Variants in ERH observed in about 807,000 individuals in gnomAD.
ERH encodes ERH mRNA splicing and mitosis factor.
Under a neutral mutation model 16.8 loss-of-function variants are expected in ERH, and 1 was observed. That is an observed-to-expected ratio of 0.06 (90% CI 0.02 to 0.28). The LOEUF is 0.28. Among genes scored for constraint, ERH ranks in the 10% least tolerant of loss-of-function variants. The probability of loss-of-function intolerance (pLI) is 1.00; values close to 1 mark genes in which losing one functional copy is unlikely to be tolerated. For synonymous variants in ERH, 43 were observed against 43.6 expected (o/e 0.99, Z 0.05); for missense variants, 42 against 127.5 (o/e 0.33, Z 3.23).
intron 1 of ERH, among the ~76,000 whole-genome samples, chr14:69,396,293 T>C (rs2140235208): frequency 6.6e-6 from 1 of 152,348 alleles, no homozygotes; most frequent in East Asian, 1.9e-4. Flanking sequence ...GACAGTTTTG[T>C]TCCTGTTGCC....
intron 1 of ERH, among the ~76,000 whole-genome samples, chr14:69,395,639 A>G (rs555101776): frequency 5.3e-5 from 8 of 152,372 alleles, no homozygotes; most frequent in African/African-American, 4.8e-5. Context: ...TTTCAACTTA[A>G]GCTTTTTTTC....
At chr14:69,391,826 G>C (rs1373117520) in intron 2 of ERH, among the ~76,000 whole-genome samples, 1 of 152,074 alleles carries the variant, frequency 6.6e-6, no homozygotes, top group Non-Finnish European at 1.5e-5. Flanking sequence ...TATAGGTGGA[G>C]CAATGGGGAT....
chr14:69,396,181 T>C (rs901109789), intron 1 of ERH, among the ~76,000 whole-genome samples: 4 of 152,238 alleles, frequency 2.6e-5, no homozygotes, highest in Non-Finnish European at 4.4e-5. Flanking sequence ...ACCTTTTTCC[T>C]TCTCTTCTGC....
chr14:69,394,949 T>C (rs370291276), intron 1 of ERH, 37 bp from the exon 2 acceptor site: 20 of 1,404,304 alleles, frequency 1.4e-5, no homozygotes, highest in Admixed American at 7.5e-5. Context: ...TAAGTTTCTA[T>C]TTGAGAAATT....
intron 1 of ERH, among the ~76,000 whole-genome samples, chr14:69,395,824 T>G (rs1358020832): frequency 6.6e-6 from 1 of 152,160 alleles, no homozygotes; most frequent in Admixed American, 6.6e-5. Context: ...AATCACATAT[T>G]AGAATCACAC....
intron 2 of ERH, among the ~76,000 whole-genome samples, chr14:69,387,320 G>C (rs2045898477): frequency 6.6e-6 from 1 of 152,194 alleles, no homozygotes; most frequent in Non-Finnish European, 1.5e-5. Context: ...TCTTTGGGAG[G>C]CTGAGGCAGG....
Position 69,380,458 on chromosome 14 carries a change from G to A in ERH, c.*80C>T. On this transcript the variant is annotated 3_prime_UTR_variant, in exon 4 of 4. Transcript: ENST00000557016. ...AACAAAGTGGAAACAGGATTACTAT[G>A]ATACAAAACTTCCACTACAGCACGC... 1.3e-6 allele frequency: 1 copy of A among 752,832 alleles called. No homozygotes were observed. Among genetic ancestry groups the A allele is most frequent in the Non-Finnish European group, 2.4e-6 (1 of 420,590 alleles). 46.6% of individuals were successfully genotyped at this position (752,832 alleles called of 1,614,324 possible). A position where few individuals can be genotyped will look rare whatever the true frequency, so the allele number is the denominator to read the frequency against.
At chr14:69,386,815 C>T in intron 3 of ERH, 148 bp downstream of exon 3, 2 of 636,388 alleles carry the variant, frequency 3.1e-6, no homozygotes, top group Non-Finnish European at 4.8e-6. Flanking sequence ...TCTCTTATTT[C>T]TGTAAGAGAA....
At chr14:69,396,471 G>A (rs1032570512) in intron 1 of ERH, among the ~76,000 whole-genome samples, 6 of 152,180 alleles carry the variant, frequency 3.9e-5, no homozygotes, top group South Asian at 2.1e-4. Flanking sequence ...ATGTTGGTCA[G>A]ACTGGTCTTG....
At chr14:69,392,394 T>A (rs1231483191) in intron 2 of ERH, among the ~76,000 whole-genome samples, 1 of 152,158 alleles carries the variant, frequency 6.6e-6, no homozygotes, top group Non-Finnish European at 1.5e-5. Context: ...TAAATGCACA[T>A]TGCTAAGTAA....
intron 1 of ERH, among the ~76,000 whole-genome samples, chr14:69,397,126 G>A (rs12895620): frequency 0.45 from 69,056 of 152,048 alleles, 15,856 homozygotes; most frequent in Middle Eastern, 0.59. Flanking sequence ...ACTATTTTCA[G>A]TACTTACTGC....
intron 3 of ERH, among the ~76,000 whole-genome samples, chr14:69,385,357 C>A (rs1316300182): frequency 6.6e-6 from 1 of 152,130 alleles, no homozygotes; most frequent in Non-Finnish European, 1.5e-5. Flanking sequence ...TCTTACTTTT[C>A]CACAAACCTG....
chr14:69,398,237 G>A lies in ERH; in HGVS notation c.-4C>T, dbSNP rs1438116472. The stretch of plus-strand genomic sequence containing the variant: ...CCGCGGAGGCCTTTCTCACCATCGC[G>A]CCAAACTCTCTTCGCTACAGCAGCT... On this transcript the variant is annotated 5_prime_UTR_variant, in exon 1 of 4. Coordinates refer to ENST00000557016, the MANE Select transcript of ERH (RefSeq NM_004450.3). 3.1e-6 allele frequency: 5 copies of A among 1,614,000 alleles called. 1 individual carries two copies. Among genetic ancestry groups the A allele is most frequent in the Admixed American group, 3.3e-5 (2 of 60,002 alleles).
chr14:69,387,225 C>T, intron 2 of ERH, 142 bp from the exon 3 acceptor site: 1 of 634,644 alleles, frequency 1.6e-6, no homozygotes, highest in Non-Finnish European at 2.6e-6. Context: ...AGATTGATGG[C>T]TTTTGATTAT....
rs891171254 is a variant in ERH at position 69,394,971 on chromosome 14, A to C, written c.4-59T>G. ...CTATTTGAGAAATTCATAGTATGAT[A>C]AAAAAAAATCCCCATTTGTAATGCA... On this transcript the variant is annotated intron_variant, in intron 1 of 3. Coordinates refer to ENST00000557016, the MANE Select transcript of ERH (RefSeq NM_004450.3). The C allele has an allele frequency of 4.6e-6, 3 of 655,002 alleles. No individual in the cohort carries two copies. In the Admixed American group the frequency reaches 9.6e-5, roughly 21 times the overall value. 40.6% of individuals were successfully genotyped at this position (655,002 alleles called of 1,614,324 possible). A position where few individuals can be genotyped will look rare whatever the true frequency, so the allele number is the denominator to read the frequency against.
At chr14:69,390,142 T>C (rs1290035) in intron 2 of ERH, among the ~76,000 whole-genome samples, 123,906 of 152,070 alleles carry the variant, frequency 0.81, 51,513 homozygotes, top group African/African-American at 0.96. Flanking sequence ...CAATACTCCC[T>C]CAGATGATCT....
At chr14:69,394,723 G>A (rs575676326) in intron 2 of ERH, 102 bp downstream of exon 2, 95 of 650,650 alleles carry the variant, frequency 1.5e-4, no homozygotes, top group Middle Eastern at 3.8e-4. Flanking sequence ...GATAAAGGCA[G>A]GGCCTGGGGT....
At position 69,380,210 on chromosome 14, in the gene ERH, T is replaced by G; in HGVS notation, c.*328A>C. On this transcript the variant is annotated 3_prime_UTR_variant, in exon 4 of 4. Transcript: ENST00000557016. Reference sequence around the variant, plus strand: ...AACTGCATTTCCACCCCCCACCCCATCTTGAAGAAGGGTTAGTATGTGAAT... The same window carrying G: ...AACTGCATTTCCACCCCCCACCCCAGCTTGAAGAAGGGTTAGTATGTGAAT... 1 of 182,796 alleles carries G rather than the reference T, an allele frequency of 5.5e-6. No individual in the cohort carries two copies. The highest frequency in any genetic ancestry group is 1.1e-5 in the Non-Finnish European group (1 of 89,188). The allele number at this position is 182,796 out of a possible 1,614,324, so 11.3% of individuals were successfully genotyped here. A position where few individuals can be genotyped will look rare whatever the true frequency, so the allele number is the denominator to read the frequency against.
chr14:69,393,009 G>T (rs960580857), intron 2 of ERH, among the ~76,000 whole-genome samples: 7 of 152,168 alleles, frequency 4.6e-5, no homozygotes, highest in Non-Finnish European at 7.4e-5. Context: ...AAAATGCCAT[G>T]TTCTTCTTTA....
Sources: allele counts gnomAD v4.1 joint callset (sites outside exome capture counted in the v4.1 genomes callset), GRCh38; gene constraint gnomAD v4.1.1; transcripts MANE v1.5; gene names NCBI Gene and HGNC (gene_info 2026-07-23, HGNC 2026-07-21).